NFIA: variants seen among roughly 807,000 people sequenced by gnomAD.
NFIA encodes nuclear factor I A, also known as nuclear factor 1 A-type.
In NFIA, 8 loss-of-function variants were observed where a neutral mutation model predicts 62.8. The observed-to-expected ratio is 0.13, with a 90% CI of 0.07 to 0.23. The LOEUF (loss-of-function observed/expected upper bound fraction) is 0.23. Among genes scored for constraint, NFIA ranks in the 10% least tolerant of loss-of-function variants. NFIA has a pLI of 1.00. For synonymous variants in NFIA, 235 were observed against 238.1 expected (o/e 0.99, Z 0.12); for missense variants, 410 against 642.1 (o/e 0.64, Z 3.91).
At chr1:61,219,731 A>C (rs1653897819) in intron 2 of NFIA, among the ~76,000 whole-genome samples, 1 of 149,956 alleles carries the variant, frequency 6.7e-6, no homozygotes, top group African/African-American at 2.5e-5. Context: ...AAAAAAGAAA[A>C]AAGGCGGGCG....
At chr1:61,306,953 C>A (rs1026316164) in intron 3 of NFIA, among the ~76,000 whole-genome samples, 4 of 152,192 alleles carry the variant, frequency 2.6e-5, no homozygotes, top group Non-Finnish European at 4.4e-5. Flanking sequence ...TTTTCTAATT[C>A]ACCTTGCCTT....
chr1:61,349,434 T>C (rs369871100), intron 4 of NFIA, among the ~76,000 whole-genome samples: 1 of 152,328 alleles, frequency 6.6e-6, no homozygotes, highest in South Asian at 2.1e-4. Context: ...CCTCATACCG[T>C]CCCTCGATTC....
intron 2 of NFIA, among the ~76,000 whole-genome samples, chr1:61,188,913 T>G (rs989302246): frequency 6.6e-6 from 1 of 152,232 alleles, no homozygotes; most frequent in African/African-American, 2.4e-5. Context: ...GTACAATAAG[T>G]GCTTCCTTGT....
At chr1:61,364,748 A>G (rs1190926688) in intron 6 of NFIA, among the ~76,000 whole-genome samples, 1 of 152,220 alleles carries the variant, frequency 6.6e-6, no homozygotes, top group Non-Finnish European at 1.5e-5. Flanking sequence ...TTTGTAGAAC[A>G]TTTTATGTAG....
At chr1:61,389,255 T>A (rs1285778571) in intron 7 of NFIA, among the ~76,000 whole-genome samples, 1 of 152,170 alleles carries the variant, frequency 6.6e-6, no homozygotes, top group Non-Finnish European at 1.5e-5. Context: ...CCCCCTGCCT[T>A]ATGTCTGCAT....
chr1:61,375,330 A>T (rs770277405), intron 6 of NFIA, among the ~76,000 whole-genome samples: 1 of 152,158 alleles, frequency 6.6e-6, no homozygotes, highest in Non-Finnish European at 1.5e-5. Context: ...AGTCTGATGG[A>T]CATGACTGAG....
chr1:61,396,096 T>G (rs181435156), intron 7 of NFIA, among the ~76,000 whole-genome samples: 7 of 152,140 alleles, frequency 4.6e-5, no homozygotes, highest in Non-Finnish European at 1.0e-4. Flanking sequence ...AAGAGAGACC[T>G]AGGGAGAGAG....
chr1:61,248,767 T>C (rs1655816575), intron 2 of NFIA, among the ~76,000 whole-genome samples: 1 of 152,146 alleles, frequency 6.6e-6, no homozygotes, highest in Admixed American at 6.5e-5. Flanking sequence ...TAAAACTAAA[T>C]AACTAAAAAA....
In NFIA at chr1:61,129,575, G is replaced by A. The variant is rs553801424; in HGVS notation, c.559+40895G>A. ...AGCGATTCTCATGCCTCAGCCTCCC[G>A]AGTAGCTGGGATTATAGGTGCACGC... On this transcript the variant is annotated intron_variant, in intron 2 of 10. Transcript: ENST00000403491. 2.3e-4 allele frequency among the ~76,000 whole-genome samples: 35 copies of A among 150,600 alleles called. 1 individual carries two copies. The highest frequency in any genetic ancestry group is 3.4e-3 in the Middle Eastern group (1 of 292).
chr1:61,394,742 C>T (rs1042122268), intron 7 of NFIA, among the ~76,000 whole-genome samples: 1 of 152,042 alleles, frequency 6.6e-6, no homozygotes, highest in Non-Finnish European at 1.5e-5. Context: ...TGAAATTTAC[C>T]CACAGTAGGA....
At chr1:61,288,173 C>T (rs551052114) in intron 3 of NFIA, among the ~76,000 whole-genome samples, 2 of 152,296 alleles carry the variant, frequency 1.3e-5, no homozygotes, top group African/African-American at 4.8e-5. Context: ...TGAGCCCATA[C>T]ATCCAGTTAC....
chr1:61,269,694 C>A (rs1657393228), intron 2 of NFIA, among the ~76,000 whole-genome samples: 1 of 152,070 alleles, frequency 6.6e-6, no homozygotes, highest in Admixed American at 6.5e-5. Context: ...TGTAATGCAC[C>A]AAGTCTGCTT....
At chr1:61,297,692 C>CT in intron 3 of NFIA, among the ~76,000 whole-genome samples, 1 of 152,214 alleles carries the variant, frequency 6.6e-6, no homozygotes, top group African/African-American at 2.4e-5. Flanking sequence ...AAGAGCCATA[C>CT]TTTTTTATGC....
At chr1:61,140,045 G>A (rs559396681) in intron 2 of NFIA, among the ~76,000 whole-genome samples, 1 of 152,226 alleles carries the variant, frequency 6.6e-6, no homozygotes, top group Non-Finnish European at 1.5e-5. Flanking sequence ...AATGATGAGA[G>A]GAATATCCAA....
intron 3 of NFIA, among the ~76,000 whole-genome samples, chr1:61,330,254 TCATTGG>T (rs1338730965): frequency 2.0e-5 from 3 of 151,920 alleles, no homozygotes; most frequent in African/African-American, 7.3e-5. Flanking sequence ...GAGTTGAGAG[TCATTGG>T]CCTGTAGATT....
rs1327167699 is a variant in NFIA at position 61,449,945 on chromosome 1, C to T, written c.1513-5358C>T. 2.0e-5 allele frequency among the ~76,000 whole-genome samples: 3 copies of T among 152,128 alleles called. No homozygotes were observed. The South Asian group carries it at 6.2e-4, about 31-fold the overall frequency. Reference sequence around the variant, plus strand: ...TGGTCCTCACAAGACTCTGAGGGTCCCAGGACAGGGACTGGCTTGCTTGAA... The same window carrying T: ...TGGTCCTCACAAGACTCTGAGGGTCTCAGGACAGGGACTGGCTTGCTTGAA... On this transcript the variant is annotated intron_variant, in intron 10 of 10. Transcript: ENST00000403491.
intron 2 of NFIA, among the ~76,000 whole-genome samples, chr1:61,100,528 T>G (rs1646490243): frequency 6.6e-6 from 1 of 152,220 alleles, no homozygotes; most frequent in Non-Finnish European, 1.5e-5. Context: ...ATTTGATGTT[T>G]TTAAATTAGA....
chr1:61,293,952 G>A (rs1659044615), intron 3 of NFIA, among the ~76,000 whole-genome samples: 1 of 152,122 alleles, frequency 6.6e-6, no homozygotes, highest in Admixed American at 6.6e-5. Context: ...TGCTAGCCAG[G>A]GTACTAGCCT....
At chr1:61,346,923 A>T (rs1479836967) in intron 4 of NFIA, among the ~76,000 whole-genome samples, 1 of 152,180 alleles carries the variant, frequency 6.6e-6, no homozygotes, top group Non-Finnish European at 1.5e-5. Context: ...CAAAGGGGGA[A>T]GCCCCTTATA....
Sources: allele counts gnomAD v4.1 joint callset (sites outside exome capture counted in the v4.1 genomes callset), GRCh38; gene constraint gnomAD v4.1.1; transcripts MANE v1.5; gene names NCBI Gene and HGNC (gene_info 2026-07-23, HGNC 2026-07-21).